Variants in LINC00305 observed in about 807,000 individuals in gnomAD.
LINC00305 encodes long independently transcribed non-coding RNA 305, also known as long intergenic non-protein coding RNA 305.
intron 1 of LINC00305, among the ~76,000 whole-genome samples, chr18:64,119,581 C>T (rs2051352721): frequency 6.6e-6 from 1 of 152,100 alleles, no homozygotes; most frequent in South Asian, 2.1e-4. Flanking sequence ...TATAGACTTT[C>T]TGCCATAGTG....
At position 64,109,838 on chromosome 18, in the gene LINC00305, A is replaced by G. The variant is rs374971721; in HGVS notation, n.315-11198T>C. On this transcript the variant is annotated intron_variant and non_coding_transcript_variant, in intron 1 of 3. Transcript: ENST00000666468. ...CACCACCTTCAGGCTAAAGCACTCA[A>G]TTAATTGCCAGTGCAAGACTCTCCA... Among the ~76,000 whole-genome samples, 7 of 152,352 alleles carry G rather than the reference A, an allele frequency of 4.6e-5. 1 individual carries two copies. Among genetic ancestry groups the G allele is most frequent in the Admixed American group, 2.0e-4 (3 of 15,306 alleles).
intron 1 of LINC00305, among the ~76,000 whole-genome samples, chr18:64,107,672 G>A (rs1315430940): frequency 2.0e-5 from 3 of 152,166 alleles, no homozygotes; most frequent in South Asian, 2.1e-4. Context: ...CTCATTCTTC[G>A]TGACATCGGA....
chr18:64,107,258 G>T (rs2051295087), intron 1 of LINC00305, among the ~76,000 whole-genome samples: 1 of 152,210 alleles, frequency 6.6e-6, no homozygotes, highest in African/African-American at 2.4e-5. Flanking sequence ...TTCTGGGTCA[G>T]AGAAACAGAC....
At chr18:64,127,340 C>T (rs2051389746) in intron 1 of LINC00305, 1 of 152,060 alleles carries the variant, frequency 6.6e-6, no homozygotes, top group African/African-American at 2.4e-5. Flanking sequence ...TTATTAACCT[C>T]TCACAATAAT....
chr18:64,112,373 C>T (rs2051318708), intron 1 of LINC00305, among the ~76,000 whole-genome samples: 1 of 151,032 alleles, frequency 6.6e-6, no homozygotes, highest in African/African-American at 2.4e-5. Context: ...TTGTTTGTTC[C>T]TGAAGAACAA....
intron 1 of LINC00305, among the ~76,000 whole-genome samples, chr18:64,125,569 A>G (rs147181990): frequency 1.4e-3 from 206 of 152,102 alleles, no homozygotes; most frequent in African/African-American, 4.4e-3. Context: ...ATTTTTTTTT[A>G]CTTAAAAAGG....
At chr18:64,125,306 C>T (rs1255138521) in intron 1 of LINC00305, among the ~76,000 whole-genome samples, 1 of 152,074 alleles carries the variant, frequency 6.6e-6, no homozygotes, top group Non-Finnish European at 1.5e-5. Context: ...TGCTACCACT[C>T]ATACCCCAGT....
intron 1 of LINC00305, among the ~76,000 whole-genome samples, chr18:64,124,637 C>T (rs1219058094): frequency 1.3e-5 from 2 of 152,050 alleles, no homozygotes; most frequent in African/African-American, 4.8e-5. Context: ...TAAATTTGAG[C>T]TCTTGATCTC....
chr18:64,116,587 G>T (rs2051338908), intron 1 of LINC00305, among the ~76,000 whole-genome samples: 2 of 151,422 alleles, frequency 1.3e-5, no homozygotes, highest in African/African-American at 2.4e-5. Flanking sequence ...TTTTTTTCCG[G>T]CTTTATTTTG....
intron 1 of LINC00305, among the ~76,000 whole-genome samples, chr18:64,120,312 C>T (rs1175855348): frequency 6.6e-6 from 1 of 151,968 alleles, no homozygotes; most frequent in African/African-American, 2.4e-5. Context: ...TTCTAAATCT[C>T]AATAATAGTT....
chr18:64,105,075 A>T (rs1183976607), intron 1 of LINC00305, among the ~76,000 whole-genome samples: 1 of 151,900 alleles, frequency 6.6e-6, no homozygotes, highest in African/African-American at 2.4e-5. Flanking sequence ...CTAAGACCTC[A>T]GAGCAAAAGA....
At chr18:64,110,736 G>A (rs1365628532) in intron 1 of LINC00305, among the ~76,000 whole-genome samples, 2 of 152,292 alleles carry the variant, frequency 1.3e-5, no homozygotes, top group Middle Eastern at 6.8e-3. Context: ...CTGCTGCTAA[G>A]TAAGAAATGC....
intron 1 of LINC00305, among the ~76,000 whole-genome samples, chr18:64,102,664 G>A (rs1481576561): frequency 1.3e-5 from 2 of 152,168 alleles, no homozygotes; most frequent in Non-Finnish European, 2.9e-5. Context: ...TATATAGGAA[G>A]TATAGTAGCT....
intron 1 of LINC00305, chr18:64,127,351 G>A (rs934435323): frequency 1.3e-5 from 2 of 151,994 alleles, no homozygotes; most frequent in South Asian, 2.1e-4. Context: ...TCACAATAAT[G>A]ACATGAGGTA....
intron 1 of LINC00305, among the ~76,000 whole-genome samples, chr18:64,099,699 G>T (rs952006272): frequency 6.6e-6 from 1 of 152,186 alleles, no homozygotes; most frequent in Non-Finnish European, 1.5e-5. Context: ...CCATCAGGGA[G>T]AATAAAATCC....
At chr18:64,089,699 T>C (rs1466281941) in intron 3 of LINC00305, among the ~76,000 whole-genome samples, 1 of 152,192 alleles carries the variant, frequency 6.6e-6, no homozygotes, top group Non-Finnish European at 1.5e-5. Context: ...AGAGGTTTAG[T>C]GGACTTACAG....
At chr18:64,137,171 T>G (rs1464768115) in intron 1 of LINC00305, among the ~76,000 whole-genome samples, 1 of 152,086 alleles carries the variant, frequency 6.6e-6, no homozygotes, top group Non-Finnish European at 1.5e-5. Context: ...CATGTGATGC[T>G]GAGGAGGAAA....
rs949370714 is a variant in LINC00305 at position 64,088,887 on chromosome 18, G to A, written n.541-8485C>T. On this transcript the variant is annotated intron_variant and non_coding_transcript_variant, in intron 3 of 3. Transcript: ENST00000666468. ...TGAAAAAGCTAAACAGATAAAAAAA[G>A]GGACAGGAAGGTGACCAAAAGTCAG... 7.2e-5 allele frequency among the ~76,000 whole-genome samples: 11 copies of A among 152,238 alleles called. 1 individual carries two copies. In the East Asian group the frequency reaches 2.1e-3, roughly 29 times the overall value.
intron 1 of LINC00305, among the ~76,000 whole-genome samples, chr18:64,121,336 C>T (rs1285090129): frequency 6.6e-6 from 1 of 150,438 alleles, no homozygotes. Flanking sequence ...CCGTCATCCA[C>T]CCCCCTCTGT....
Sources: allele counts gnomAD v4.1 joint callset (sites outside exome capture counted in the v4.1 genomes callset), GRCh38; gene constraint gnomAD v4.1.1; transcripts MANE v1.5; gene names NCBI Gene and HGNC (gene_info 2026-07-23, HGNC 2026-07-21).